The following MAGI2 variants were observed in gnomAD, a reference collection of about 807,000 sequenced individuals.
The protein encoded by MAGI2 is membrane-associated guanylate kinase, WW and PDZ domain-containing protein 2.
In MAGI2, 35 loss-of-function variants were observed where a neutral mutation model predicts 133.3. That is an observed-to-expected ratio of 0.26 (90% CI 0.20 to 0.35). The LOEUF (loss-of-function observed/expected upper bound fraction) is 0.35. Ranked by LOEUF, MAGI2 falls within the 10% of genes least tolerant of loss-of-function variation. The pLI, the probability that MAGI2 is intolerant of heterozygous loss-of-function variation, is 1.00. For missense variants in MAGI2, 1,636 were observed against 1,863.4 expected, an observed-to-expected ratio of 0.88 and a Z score of 2.25; for synonymous variants, 729 against 710.6, an observed-to-expected ratio of 1.03 and a Z score of -0.41.
chr7:78,452,617 C>T (rs1316290216), intron 6 of MAGI2, among the ~76,000 whole-genome samples: 1 of 151,492 alleles, frequency 6.6e-6, no homozygotes, highest in African/African-American at 2.4e-5. Flanking sequence ...ATAATAAAGA[C>T]ATAATCTTTT....
chr7:78,689,478 C>A (rs371196514), intron 2 of MAGI2, among the ~76,000 whole-genome samples: 2 of 152,080 alleles, frequency 1.3e-5, no homozygotes, highest in South Asian at 4.1e-4. Flanking sequence ...CAAATACATA[C>A]ATCTATGTAA....
chr7:78,195,634 A>AT (rs1377024979), intron 11 of MAGI2, among the ~76,000 whole-genome samples: 1 of 152,166 alleles, frequency 6.6e-6, no homozygotes. Flanking sequence ...AGGAAGCCTC[A>AT]TTTACTGTGG....
chr7:79,163,729 G>T (rs578042839), intron 1 of MAGI2, among the ~76,000 whole-genome samples: 2 of 151,958 alleles, frequency 1.3e-5, no homozygotes, highest in Non-Finnish European at 2.9e-5. Flanking sequence ...TTGGCTGCTT[G>T]GGTTGTTTAC....
intron 1 of MAGI2, among the ~76,000 whole-genome samples, chr7:79,376,719 T>G (rs1843404252): frequency 6.6e-6 from 1 of 151,904 alleles, no homozygotes; most frequent in Non-Finnish European, 1.5e-5. Context: ...TTGTTTCAAA[T>G]AAATGAATTA....
intron 6 of MAGI2, among the ~76,000 whole-genome samples, chr7:78,473,941 C>T (rs1456660322): frequency 2.0e-5 from 3 of 151,938 alleles, no homozygotes; most frequent in East Asian, 1.9e-4. Context: ...GTGAACTAGC[C>T]ATGAAACAGC....
chr7:78,983,931 C>A (rs2045843954), intron 2 of MAGI2, among the ~76,000 whole-genome samples: 1 of 152,026 alleles, frequency 6.6e-6, no homozygotes, highest in Middle Eastern at 3.4e-3. Context: ...CCAGCCTGTA[C>A]TCTAAACTGA....
At chr7:79,167,144 G>T (rs759235025) in intron 1 of MAGI2, among the ~76,000 whole-genome samples, 12 of 90,956 alleles carry the variant, frequency 1.3e-4, no homozygotes, top group Non-Finnish European at 2.4e-4. Flanking sequence ...AGGCTTTATA[G>T]GGTCTTTGTT....
intron 10 of MAGI2, among the ~76,000 whole-genome samples, chr7:78,243,802 T>G (rs913029736): frequency 6.6e-6 from 1 of 152,102 alleles, no homozygotes; most frequent in Non-Finnish European, 1.5e-5. Context: ...TTGTTGCATT[T>G]TAATATAAAT....
rs139337526 is a variant in MAGI2, at chr7:78,528,933, T to C, written c.539-7288A>G. On this transcript the variant is annotated intron_variant, in intron 3 of 21. Transcript: ENST00000354212. ...AATTTCTGAATTTTTAGAAATTCAG[T>C]GTTTAAGTGACTTTCAGGAAGTCCA... Among the ~76,000 whole-genome samples the C allele has an allele frequency of 7.4e-3, 1,119 of 152,242 alleles. 46 individuals carry two copies. Among genetic ancestry groups the C allele is most frequent in the Admixed American group, 0.067 (1,031 of 15,286 alleles).
At chr7:78,436,219 G>A (rs971124659) in intron 6 of MAGI2, among the ~76,000 whole-genome samples, 1 of 152,142 alleles carries the variant, frequency 6.6e-6, no homozygotes, top group Non-Finnish European at 1.5e-5. Context: ...CTTTAGAAAT[G>A]AGCCCTTTTT....
intron 1 of MAGI2, among the ~76,000 whole-genome samples, chr7:79,405,322 C>T (rs936706619): frequency 6.6e-6 from 1 of 152,098 alleles, no homozygotes; most frequent in South Asian, 2.1e-4. Context: ...AAAATGTTAT[C>T]ATTCATAAAG....
intron 7 of MAGI2, among the ~76,000 whole-genome samples, chr7:78,362,971 G>C (rs1792982389): frequency 6.6e-6 from 1 of 152,118 alleles, no homozygotes. Flanking sequence ...TACATGTTGT[G>C]ACTGTCATCC....
chr7:79,390,198 C>T (rs949010283), intron 1 of MAGI2, among the ~76,000 whole-genome samples: 3 of 152,084 alleles, frequency 2.0e-5, no homozygotes, highest in Non-Finnish European at 4.4e-5. Flanking sequence ...TTGCATGGCT[C>T]CTAAAAATGT....
intron 1 of MAGI2, among the ~76,000 whole-genome samples, chr7:79,058,431 A>G (rs576213213): frequency 2.5e-4 from 38 of 152,170 alleles, no homozygotes; most frequent in Non-Finnish European, 5.1e-4. Context: ...TTATGGAAGA[A>G]CATAGATAGT....
intron 9 of MAGI2, among the ~76,000 whole-genome samples, chr7:78,304,958 T>A (rs896099913): frequency 6.6e-6 from 1 of 152,216 alleles, no homozygotes; most frequent in South Asian, 2.1e-4. Context: ...GAGTAGCACT[T>A]CTACCACCTG....
At chr7:78,878,968 C>T (rs746451141) in intron 2 of MAGI2, among the ~76,000 whole-genome samples, 5 of 152,182 alleles carry the variant, frequency 3.3e-5, no homozygotes, top group Admixed American at 6.5e-5. Flanking sequence ...CCTCATTCTT[C>T]CTGTGTAGAG....
In MAGI2 at chr7:79,267,023, G is replaced by A. The variant is rs528711340; in HGVS notation, c.301+185997C>T. ...ACTGAACTTTGATCATCTTTGTTTC[G>A]AATTTCTTCCTGAGGACCCTGGAGA... On this transcript the variant is annotated intron_variant, in intron 1 of 21. Coordinates refer to ENST00000354212, the MANE Select transcript of MAGI2 (RefSeq NM_012301.4). 7.2e-4 allele frequency among the ~76,000 whole-genome samples: 110 copies of A among 152,206 alleles called. No individual in the cohort carries two copies. In the Middle Eastern group the frequency reaches 0.024, roughly 33 times the overall value.
At chr7:78,249,683 G>A (rs1264873854) in intron 10 of MAGI2, among the ~76,000 whole-genome samples, 1 of 152,058 alleles carries the variant, frequency 6.6e-6, no homozygotes, top group Non-Finnish European at 1.5e-5. Flanking sequence ...GAATAAAATA[G>A]TGGATAGCAG....
chr7:78,019,712 G>T lies in MAGI2; in HGVS notation c.3971C>A (p.Ala1324Glu). 6.3e-7 allele frequency: 1 copy of T among 1,591,528 alleles called. No homozygotes were observed. The highest frequency in any genetic ancestry group is 8.5e-7 in the Non-Finnish European group (1 of 1,174,026). ...RERSASPQRA[A>E]RPRLEEAPGG... Reference sequence around the variant, plus strand: ...GGGCGCCTCCTCGAGCCTCGGCCGCGCGGCCCTCTGCGGACTCGCCGAGCG... The same window carrying T: ...GGGCGCCTCCTCGAGCCTCGGCCGCTCGGCCCTCTGCGGACTCGCCGAGCG... The change falls in exon 22 of 22, where the codon GCG (alanine) becomes GAG (glutamate). Residue 1324 changes from alanine (A) to glutamate (E), a missense_variant. This residue lies in a region of MAGI2 where 354 missense variants were observed against 298.7 expected (regional missense o/e 1.19). Transcript: ENST00000354212.
Sources: gnomAD v4.1 joint callset for allele counts (sites outside exome capture counted in the v4.1 genomes callset) on GRCh38, gnomAD v4.1.1 for gene constraint, gnomAD v4.1.1 regional missense constraint, MANE v1.5 for transcripts, NCBI Gene and HGNC (gene_info 2026-07-23, HGNC 2026-07-21) for gene names.